CPVL: variants seen among roughly 807,000 people sequenced by gnomAD.
CPVL encodes carboxypeptidase vitellogenic like, also known as probable serine carboxypeptidase CPVL.
Under a neutral mutation model 63.7 loss-of-function variants are expected in CPVL, and 51 were observed. That is an observed-to-expected ratio of 0.80 (90% CI 0.64 to 1.01). The LOEUF is 1.01. Ranked by LOEUF, CPVL falls within the 50% of genes least tolerant of loss-of-function variation. The pLI is 0.00. For synonymous variants in CPVL, 195 were observed against 206.0 expected, an observed-to-expected ratio of 0.95 and a Z score of 0.46; for missense variants, 530 against 573.1, an observed-to-expected ratio of 0.92 and a Z score of 0.77.
At position 29,085,697 on chromosome 7, in the gene CPVL, C is replaced by T. The variant is rs117819058; in HGVS notation, c.609+787G>A. Among the ~76,000 whole-genome samples, 688 of 152,306 alleles carry T rather than the reference C, an allele frequency of 4.5e-3. 4 individuals carry two copies. The highest frequency in any genetic ancestry group is 8.1e-3 in the Non-Finnish European group (551 of 68,028). ...CAAGATCTGGCAGACACCACCTTGA[C>T]GCAGTGATCCAGTTTAGCATCACCA... On this transcript the variant is annotated intron_variant, in intron 7 of 12. Coordinates refer to ENST00000265394, the MANE Select transcript of CPVL (RefSeq NM_031311.5).
At chr7:29,060,372 C>G (rs1791153327) in intron 11 of CPVL, among the ~76,000 whole-genome samples, 1 of 152,220 alleles carries the variant, frequency 6.6e-6, no homozygotes, top group Non-Finnish European at 1.5e-5. Flanking sequence ...AGCTCAAACT[C>G]AAGATATGCA....
intron 6 of CPVL, among the ~76,000 whole-genome samples, chr7:29,089,279 A>G (rs1383155225): frequency 6.6e-6 from 1 of 152,216 alleles, no homozygotes; most frequent in Non-Finnish European, 1.5e-5. Context: ...AGAAAAGGTG[A>G]GTGGACATGA....
At chr7:29,022,955 C>T (rs1185839234) in intron 12 of CPVL, among the ~76,000 whole-genome samples, 2 of 152,218 alleles carry the variant, frequency 1.3e-5, no homozygotes, top group African/African-American at 4.8e-5. Flanking sequence ...TGAGGATGTC[C>T]ACTCCCAGCC....
intron 1 of CPVL, among the ~76,000 whole-genome samples, chr7:29,137,145 C>A (rs944923483): frequency 5.3e-5 from 8 of 152,146 alleles, no homozygotes; most frequent in African/African-American, 1.9e-4. Flanking sequence ...GGGGTAAATA[C>A]CTGGGGTTCG....
chr7:29,090,599 G>T (rs1473002929), intron 6 of CPVL, among the ~76,000 whole-genome samples: 1 of 152,190 alleles, frequency 6.6e-6, no homozygotes, highest in East Asian at 1.9e-4. Context: ...CCAGCACCAA[G>T]AACAGCAGCT....
At chr7:29,042,984 C>T (rs1296438640) in intron 11 of CPVL, among the ~76,000 whole-genome samples, 2 of 152,202 alleles carry the variant, frequency 1.3e-5, no homozygotes, top group Non-Finnish European at 2.9e-5. Context: ...ACAAACTTGC[C>T]TTCCAGCTTG....
At chr7:29,159,336 C>T (rs772567138) in intron 5 of CPVL, among the ~76,000 whole-genome samples, 1 of 152,150 alleles carries the variant, frequency 6.6e-6, no homozygotes, top group Non-Finnish European at 1.5e-5. Flanking sequence ...AACCCAAATG[C>T]CTGCAGCATC....
At position 29,101,643 on chromosome 7, in the gene CPVL, A is replaced by G. The variant is rs182312629; in HGVS notation, c.289-5426T>C. 1.3e-3 allele frequency among the ~76,000 whole-genome samples: 191 copies of G among 152,304 alleles called. 1 individual carries two copies. Among genetic ancestry groups the G allele is most frequent in the Middle Eastern group, 3.4e-3 (1 of 294 alleles). On this transcript the variant is annotated intron_variant, in intron 3 of 12. Transcript: ENST00000265394. The stretch of plus-strand genomic sequence containing the variant: ...TTTCTTAAAACTTTTTCTATTATAA[A>G]AACAGTACTTATTCTTAACTAAAGG...
At chr7:29,072,847 A>G (rs1488378965) in intron 7 of CPVL, among the ~76,000 whole-genome samples, 4 of 152,238 alleles carry the variant, frequency 2.6e-5, no homozygotes, top group African/African-American at 9.6e-5. Context: ...ATCAACATGT[A>G]CTAAAGGAAT....
chr7:29,107,629 C>A (rs1787855337), intron 3 of CPVL, among the ~76,000 whole-genome samples: 1 of 152,214 alleles, frequency 6.6e-6, no homozygotes, highest in Non-Finnish European at 1.5e-5. Flanking sequence ...CACTGTGGAG[C>A]ACATTACAAA....
intron 2 of CPVL, chr7:29,186,417 C>G (rs1188268887): frequency 6.6e-6 from 1 of 152,036 alleles, no homozygotes; most frequent in African/African-American, 2.4e-5. Flanking sequence ...ACCCTGTCTC[C>G]ACTAAAAATT....
intron 3 of CPVL, among the ~76,000 whole-genome samples, chr7:29,097,815 A>G (rs2128613261): frequency 6.6e-6 from 1 of 152,346 alleles, no homozygotes; most frequent in South Asian, 2.1e-4. Context: ...ATGAGGTCTG[A>G]GCGCTGCCCT....
At chr7:29,040,523 G>C (rs1788961996) in intron 11 of CPVL, among the ~76,000 whole-genome samples, 1 of 152,150 alleles carries the variant, frequency 6.6e-6, no homozygotes, top group African/African-American at 2.4e-5. Context: ...GGAGGCCTGA[G>C]TCCCCAAGGC....
intron 12 of CPVL, among the ~76,000 whole-genome samples, chr7:29,008,761 A>G (rs748059735): frequency 2.6e-5 from 4 of 152,182 alleles, no homozygotes; most frequent in Non-Finnish European, 5.9e-5. Context: ...GGTGGGTAGT[A>G]TTTGCCAATT....
chr7:29,071,530 A>G (rs953334267), intron 9 of CPVL, among the ~76,000 whole-genome samples: 13 of 152,230 alleles, frequency 8.5e-5, no homozygotes, highest in African/African-American at 3.1e-4. Context: ...TGAAAGACAC[A>G]GTTAGATAAA....
intron 12 of CPVL, among the ~76,000 whole-genome samples, chr7:29,002,090 A>C (rs1784698846): frequency 6.6e-6 from 1 of 152,234 alleles, no homozygotes; most frequent in Non-Finnish European, 1.5e-5. Flanking sequence ...ACCAATTTTT[A>C]AGCTTCTCTG....
chr7:29,005,284 G>A (rs575963309), intron 12 of CPVL, among the ~76,000 whole-genome samples: 4 of 152,212 alleles, frequency 2.6e-5, no homozygotes, highest in African/African-American at 7.2e-5. Flanking sequence ...TATTATCAGA[G>A]TTTTTATGAC....
chr7:29,061,689 G>A (rs1280776717), intron 11 of CPVL, among the ~76,000 whole-genome samples: 1 of 152,072 alleles, frequency 6.6e-6, no homozygotes, highest in Non-Finnish European at 1.5e-5. Flanking sequence ...GTTCATGCCT[G>A]CAATCCTAGC....
chr7:29,132,696 C>T lies in CPVL; in HGVS notation c.-10-11625G>A, dbSNP rs186703272. Among the ~76,000 whole-genome samples, 5 of 152,280 alleles carry T rather than the reference C, an allele frequency of 3.3e-5. No individual in the cohort carries two copies. In the East Asian group the frequency reaches 9.7e-4, roughly 29 times the overall value. ...AGCTGATGTTTCACTGTCCTCCTGC[C>T]TTGCTCTTCTTTCTTATTTCTCAAT... On this transcript the variant is annotated intron_variant, in intron 1 of 12. Coordinates refer to ENST00000265394, the MANE Select transcript of CPVL (RefSeq NM_031311.5).
Sources: gnomAD v4.1 joint callset for allele counts (sites outside exome capture counted in the v4.1 genomes callset) on GRCh38, gnomAD v4.1.1 for gene constraint, MANE v1.5 for transcripts, NCBI Gene and HGNC (gene_info 2026-07-23, HGNC 2026-07-21) for gene names.